ANKAR: variants seen among roughly 807,000 people sequenced by gnomAD.
The protein encoded by ANKAR is ankyrin and armadillo repeat-containing protein.
ANKAR carries 136 observed loss-of-function variants against 146.2 expected under a neutral mutation model. The ratio of observed to expected loss-of-function variants is 0.93; its 90% CI spans 0.81 to 1.07. The LOEUF is 1.07. Among genes scored for constraint, ANKAR ranks in the 50% least tolerant of loss-of-function variants. The pLI, the probability that ANKAR is intolerant of heterozygous loss-of-function variation, is 0.00. For missense variants in ANKAR, 1,567 were observed against 1,679.9 expected, an observed-to-expected ratio of 0.93 and a Z score of 1.18; for synonymous variants, 500 against 575.8, an observed-to-expected ratio of 0.87 and a Z score of 1.88.
chr2:189,762,532 C>G, downstream of ANKAR: 1 of 923,070 alleles, frequency 1.1e-6, no homozygotes, highest in Non-Finnish European at 1.3e-6. Context: ...GAAGCACTAC[C>G]CTTTCGGGCC....
At chr2:189,738,063 A>T (rs544888600) in intron 18 of ANKAR, among the ~76,000 whole-genome samples, 1 of 152,272 alleles carries the variant, frequency 6.6e-6, no homozygotes, top group East Asian at 1.9e-4. Context: ...ATGCCTTTAT[A>T]CCTCATCTGA....
intron 5 of ANKAR, 99 bp from the exon 6 acceptor site, chr2:189,694,882 A>G (rs2036966397): frequency 1.7e-5 from 12 of 702,116 alleles, no homozygotes; most frequent in Non-Finnish European, 2.6e-5. Context: ...TTTTGTATTT[A>G]ATTGTTACAG....
chr2:189,676,474 A>G lies in ANKAR; in HGVS notation c.-17A>G, dbSNP rs2033695658. 2 of 1,526,730 alleles carry G rather than the reference A, an allele frequency of 1.3e-6. No homozygotes were observed. The highest frequency in any genetic ancestry group is 2.5e-5 in the East Asian group (1 of 40,754). 94.6% of individuals were successfully genotyped at this position (1,526,730 alleles called of 1,614,324 possible). On this transcript the variant is annotated 5_prime_UTR_variant, in exon 2 of 23. Coordinates refer to ENST00000684021, the MANE Select transcript of ANKAR (RefSeq NM_001378068.1). Reference sequence around the variant, plus strand: ...ATTGCAGAAGCTTCAAAAAGGACACACTAGATTTAATTAGAAATGTTAAGA... The same window carrying G: ...ATTGCAGAAGCTTCAAAAAGGACACGCTAGATTTAATTAGAAATGTTAAGA...
At chr2:189,697,288 C>T (rs930713001) in intron 7 of ANKAR, among the ~76,000 whole-genome samples, 11 of 151,232 alleles carry the variant, frequency 7.3e-5, no homozygotes, top group Non-Finnish European at 1.2e-4. Context: ...GTCCTAGCTA[C>T]TCTGAGAGGC....
At chr2:189,749,128 C>T (rs967425707), downstream of ANKAR, among the ~76,000 whole-genome samples, 1 of 151,518 alleles carries the variant, frequency 6.6e-6, no homozygotes, top group Non-Finnish European at 1.5e-5. Context: ...TGCCTGTAGT[C>T]CCAGCTACTC....
rs1356906473 is a variant in ANKAR, at chr2:189,706,998, C to T, written c.1971C>T (p.Tyr657=). 6.2e-7 allele frequency: 1 copy of T among 1,613,464 alleles called. No homozygotes were observed. Among genetic ancestry groups the T allele is most frequent in the Non-Finnish European group, 8.5e-7 (1 of 1,179,770 alleles). The part of the protein sequence containing the change: ...ATSGALDTIQ[Y]LFSIGANWRK... Reference sequence around the variant, plus strand: ...CAGGAGCACTGGACACTATTCAATACCTGTTTTCTATCGGTGCTAACTGGA... The same window carrying T: ...CAGGAGCACTGGACACTATTCAATATCTGTTTTCTATCGGTGCTAACTGGA... Residue 657 remains tyrosine (Y), a synonymous_variant, in exon 9 of 23, where the codon TAC becomes TAT. Transcript: ENST00000684021.
At chr2:189,717,222 G>A (rs1238675631) in intron 10 of ANKAR, among the ~76,000 whole-genome samples, 1 of 151,898 alleles carries the variant, frequency 6.6e-6, no homozygotes, top group East Asian at 1.9e-4. Flanking sequence ...AGAATCTACG[G>A]AGAACTTAAA....
Position 189,676,623 on chromosome 2 carries a change from GA to G in ANKAR, c.134del (p.Glu45GlyfsTer3). The G allele has an allele frequency of 6.2e-7, 1 of 1,614,040 alleles. No homozygotes were observed. Among genetic ancestry groups the G allele is most frequent in the Non-Finnish European group, 8.5e-7 (1 of 1,179,990 alleles). On this transcript the variant is annotated frameshift_variant, in exon 2 of 23. Coordinates refer to ENST00000684021, the MANE Select transcript of ANKAR (RefSeq NM_001378068.1). LOFTEE classifies it high-confidence loss of function. ...AAAATATGATCGGAGTGAAATACAA[GA>G]GTTACTAACTACTGCACTAGTTAGC... ...FEKYDRSEIQ[E>X]LLTTALVSWL...
In ANKAR at chr2:189,754,312, C is replaced by G; in HGVS notation, c.*585-6786C>G. 3 of 1,611,124 alleles carry G rather than the reference C, an allele frequency of 1.9e-6. No individual in the cohort carries two copies. Among genetic ancestry groups the G allele is most frequent in the Non-Finnish European group, 2.5e-6 (3 of 1,178,854 alleles). Reference sequence around the variant, plus strand: ...TTCCCACCACTCATGGTGGAGCACTCTGGATGTTTTATTAAAGAAAGTCTT... The same window carrying G: ...TTCCCACCACTCATGGTGGAGCACTGTGGATGTTTTATTAAAGAAAGTCTT... On this transcript the variant is annotated intron_variant and NMD_transcript_variant, in intron 18 of 18. Coordinates refer to the ANKAR transcript ENST00000441800.
Position 189,744,730 on chromosome 2 carries a change from T to C in ANKAR, c.4011-12T>C. 1 of 1,575,672 alleles carries C rather than the reference T, an allele frequency of 6.3e-7. No individual in the cohort carries two copies. ...TTCATTTATTTTAATGACAAAAATG[T>C]TTTCCTTTTAGTCTGGAGAAGAATG... On this transcript the variant is annotated splice_polypyrimidine_tract_variant and intron_variant, in intron 21 of 22. Transcript: ENST00000684021.
At chr2:189,714,717 C>T (rs567151642) in intron 10 of ANKAR, among the ~76,000 whole-genome samples, 77 of 152,020 alleles carry the variant, frequency 5.1e-4, no homozygotes, top group Non-Finnish European at 9.3e-4. Flanking sequence ...GAGGCTGAGG[C>T]GGGCGGATCA....
chr2:189,743,336 T>G lies in ANKAR; in HGVS notation c.3872T>G (p.Ile1291Ser). Residue 1291 changes from isoleucine to serine, a missense_variant, in exon 21 of 23, where the codon ATC becomes AGC. Ile to Ser is a moderately radical substitution (Grantham distance 142, BLOSUM62 -2). Coordinates refer to ENST00000684021, the MANE Select transcript of ANKAR (RefSeq NM_001378068.1). ...ACATACAATGCAAATGCTTTCCGCA[T>G]CCTATTAAAAGAATGCAGGAATAAA... Reference protein sequence around the residue: ...YLTYNANAFRILLKECRNKPN... With the variant: ...YLTYNANAFRSLLKECRNKPN... 6.2e-7 allele frequency: 1 copy of G among 1,614,034 alleles called. No individual in the cohort carries two copies. The highest frequency in any genetic ancestry group is 8.5e-7 in the Non-Finnish European group (1 of 1,179,992).
At chr2:189,699,868 G>A (rs534107481) in intron 7 of ANKAR, among the ~76,000 whole-genome samples, 1 of 152,214 alleles carries the variant, frequency 6.6e-6, no homozygotes, top group African/African-American at 2.4e-5. Flanking sequence ...GTTTCACCAT[G>A]TTGGCCAGGC....
intron 18 of ANKAR, chr2:189,754,105 T>C: frequency 6.2e-7 from 1 of 1,612,022 alleles, no homozygotes; most frequent in Non-Finnish European, 8.5e-7. Flanking sequence ...AATCCAGGAA[T>C]ATTTATCTGT....
At chr2:189,718,053 T>C (rs1574591737) in intron 10 of ANKAR, among the ~76,000 whole-genome samples, 2 of 151,026 alleles carry the variant, frequency 1.3e-5, no homozygotes, top group African/African-American at 4.9e-5. Flanking sequence ...AACCTGCACA[T>C]TGTGCACGTG....
chr2:189,757,412 C>G (rs2046241218), intron 18 of ANKAR, among the ~76,000 whole-genome samples: 1 of 152,168 alleles, frequency 6.6e-6, no homozygotes, highest in South Asian at 2.1e-4. Flanking sequence ...TGCTTACTGT[C>G]TTCTTCATTT....
downstream of ANKAR, among the ~76,000 whole-genome samples, chr2:189,747,935 C>G (rs1226772783): frequency 1.3e-5 from 2 of 152,124 alleles, no homozygotes; most frequent in Non-Finnish European, 2.9e-5. Flanking sequence ...ATCCGCCTAC[C>G]TTGGCCTCCC....
At chr2:189,742,083 T>C (rs1335332566) in intron 20 of ANKAR, among the ~76,000 whole-genome samples, 1 of 152,152 alleles carries the variant, frequency 6.6e-6, no homozygotes, top group Admixed American at 6.5e-5. Context: ...TGCCTCTGAG[T>C]GTTCCCCTAC....
At chr2:189,752,557 C>CCTTCTGGT in intron 18 of ANKAR, 1 of 1,160,266 alleles carries the variant, frequency 8.6e-7, no homozygotes, top group Non-Finnish European at 1.3e-6. Context: ...TCAAGTACCA[C>CCTTCTGGT]CAGAATGTCA....
Sources: allele counts gnomAD v4.1 joint callset (sites outside exome capture counted in the v4.1 genomes callset), GRCh38; gene constraint gnomAD v4.1.1; transcripts MANE v1.5; gene names NCBI Gene and HGNC (gene_info 2026-07-23, HGNC 2026-07-21).